Variants in CLDN10 observed in about 807,000 individuals in gnomAD.
CLDN10 encodes claudin 10.
In CLDN10, 15 loss-of-function variants were observed where a neutral mutation model predicts 22.9. The observed-to-expected ratio is 0.65, with a 90% CI of 0.44 to 1.01. The LOEUF is 1.01. CLDN10 is among the 50% of genes least tolerant of loss of function. The probability of loss-of-function intolerance (pLI) is 0.00; values close to 1 mark genes in which losing one functional copy is unlikely to be tolerated. For synonymous variants in CLDN10, 114 were observed against 111.4 expected (o/e 1.02, Z -0.15); for missense variants, 247 against 287.8 (o/e 0.86, Z 1.03).
chr13:95,457,917 C>T (rs751073926), intron 1 of CLDN10, among the ~76,000 whole-genome samples: 27 of 152,258 alleles, frequency 1.8e-4, no homozygotes, highest in Admixed American at 3.9e-4. Context: ...AACCACAGAT[C>T]CTCATGGTCA....
At chr13:95,520,461 C>T (rs143891867) in intron 1 of CLDN10, among the ~76,000 whole-genome samples, 1,539 of 152,258 alleles carry the variant, frequency 0.01, 26 homozygotes, top group African/African-American at 0.035. Context: ...GCAACCTCTG[C>T]CTCCTGGGTT....
intron 3 of CLDN10, among the ~76,000 whole-genome samples, chr13:95,561,709 G>T (rs2043714633): frequency 6.7e-6 from 1 of 149,678 alleles, no homozygotes. Context: ...CCACTATTTT[G>T]TAATTTTTGT....
At chr13:95,443,507 G>A (rs114487891) in intron 1 of CLDN10, among the ~76,000 whole-genome samples, 1,654 of 152,198 alleles carry the variant, frequency 0.011, 35 homozygotes, top group African/African-American at 0.038. Flanking sequence ...GGCATGGCAC[G>A]CGAGACCACG....
chr13:95,473,139 CAA>C (rs765295179), intron 1 of CLDN10, among the ~76,000 whole-genome samples: 3,402 of 58,698 alleles, frequency 0.058, 167 homozygotes, highest in African/African-American at 0.15. Context: ...AAACCTATCT[CAA>C]AAAAAAAAAA....
At chr13:95,556,340 C>A (rs945737914) in intron 1 of CLDN10, among the ~76,000 whole-genome samples, 2 of 152,220 alleles carry the variant, frequency 1.3e-5, no homozygotes, top group African/African-American at 4.8e-5. Flanking sequence ...GCCATGCGCC[C>A]AGCCCTAAAT....
rs746231195 is a variant in CLDN10, at chr13:95,484,865, C to CA, written c.214+50848dup. ...TGGGTAACAAAGTGAGACCCTGTCT[C>CA]AAAAAAAAAAAAAAAAAAAAAAAAA... On this transcript the variant is annotated intron_variant, in intron 1 of 4. Coordinates refer to the CLDN10 transcript ENST00000376873. Among the ~76,000 whole-genome samples the CA allele has an allele frequency of 4.4e-3, 415 of 93,550 alleles. 7 individuals are homozygous for CA. The highest frequency in any genetic ancestry group is 9.3e-3 in the East Asian group (29 of 3,104). The allele number at this position is 93,550 out of a possible 152,430, so 61.4% of individuals were successfully genotyped here.
intron 3 of CLDN10, among the ~76,000 whole-genome samples, chr13:95,569,458 C>A (rs1460386543): frequency 6.6e-6 from 1 of 152,058 alleles, no homozygotes; most frequent in Admixed American, 6.5e-5. Context: ...GTGGCAGGTG[C>A]TTGTAGTCCC....
upstream of CLDN10, among the ~76,000 whole-genome samples, chr13:95,548,069 G>A (rs116587761): frequency 0.011 from 1,643 of 152,310 alleles, 31 homozygotes; most frequent in African/African-American, 0.037. Flanking sequence ...TGAGGGAGCT[G>A]TAACTCAGAG....
intron 3 of CLDN10, among the ~76,000 whole-genome samples, chr13:95,570,858 G>GTATATATATATA (rs55861640): frequency 0.029 from 3,471 of 119,374 alleles, 99 homozygotes; most frequent in African/African-American, 0.045. Flanking sequence ...ATATACGTGT[G>GTATATATATATA]TATATATATA....
At chr13:95,459,688 G>A (rs1242829169) in intron 1 of CLDN10, among the ~76,000 whole-genome samples, 1 of 152,170 alleles carries the variant, frequency 6.6e-6, no homozygotes, top group Non-Finnish European at 1.5e-5. Context: ...GATGGAAGGG[G>A]CAGCCATGAA....
At chr13:95,458,897 T>C (rs2042508293) in intron 1 of CLDN10, among the ~76,000 whole-genome samples, 1 of 152,170 alleles carries the variant, frequency 6.6e-6, no homozygotes, top group Non-Finnish European at 1.5e-5. Context: ...CCTATGAGCC[T>C]GTAAAATCAA....
At chr13:95,480,287 C>T (rs1165220281) in intron 1 of CLDN10, among the ~76,000 whole-genome samples, 8 of 152,262 alleles carry the variant, frequency 5.3e-5, no homozygotes, top group African/African-American at 1.9e-4. Context: ...GGGTCACAGC[C>T]AAACCATATC....
chr13:95,567,280 G>A lies in CLDN10; in HGVS notation c.464+6817G>A, dbSNP rs145612282. ...ATGGAGTGTTCTTCCATTTGTTCAT[G>A]TCCTCTTTTATTTTGTTGAGCAGTG... On this transcript the variant is annotated intron_variant, in intron 3 of 4. Coordinates refer to ENST00000299339, the MANE Select transcript of CLDN10 (RefSeq NM_006984.5). 7.6e-4 allele frequency among the ~76,000 whole-genome samples: 115 copies of A among 152,158 alleles called. 1 individual carries two copies. The highest frequency in any genetic ancestry group is 2.7e-3 in the African/African-American group (111 of 41,510).
At chr13:95,507,457 G>A (rs1401160112) in intron 1 of CLDN10, among the ~76,000 whole-genome samples, 1 of 151,942 alleles carries the variant, frequency 6.6e-6, no homozygotes, top group East Asian at 1.9e-4. Flanking sequence ...TTTTTATTCT[G>A]AAGGACATAA....
chr13:95,498,675 A>G (rs1162984688), intron 1 of CLDN10, among the ~76,000 whole-genome samples: 1 of 152,186 alleles, frequency 6.6e-6, no homozygotes, highest in Non-Finnish European at 1.5e-5. Flanking sequence ...GATTACAAGC[A>G]TGAGCCATCG....
chr13:95,526,688 T>C (rs900209583), intron 1 of CLDN10, among the ~76,000 whole-genome samples: 6 of 152,082 alleles, frequency 3.9e-5, no homozygotes, highest in African/African-American at 1.4e-4. Flanking sequence ...CTCGGGAGGC[T>C]GAGGCAGGAG....
At chr13:95,539,549 T>C (rs1456647416) in intron 1 of CLDN10, among the ~76,000 whole-genome samples, 2 of 152,218 alleles carry the variant, frequency 1.3e-5, no homozygotes, top group Non-Finnish European at 2.9e-5. Context: ...AAGGAGTCAA[T>C]TAGAAAAGAG....
At chr13:95,448,338 C>T (rs1397493100) in intron 1 of CLDN10, among the ~76,000 whole-genome samples, 1 of 152,172 alleles carries the variant, frequency 6.6e-6, no homozygotes, top group African/African-American at 2.4e-5. Flanking sequence ...CACAGATGTG[C>T]ATTCACCATA....
chr13:95,532,671 A>G (rs1476528529), intron 1 of CLDN10, among the ~76,000 whole-genome samples: 1 of 151,904 alleles, frequency 6.6e-6, no homozygotes, highest in Non-Finnish European at 1.5e-5. Context: ...TCACAAAAAA[A>G]CTTGTACAAG....
Sources: gnomAD v4.1 joint callset for allele counts (sites outside exome capture counted in the v4.1 genomes callset) on GRCh38, gnomAD v4.1.1 for gene constraint, MANE v1.5 for transcripts, NCBI Gene and HGNC (gene_info 2026-07-23, HGNC 2026-07-21) for gene names.